STXBP6: variants seen among roughly 807,000 people sequenced by gnomAD.
The protein encoded by STXBP6 is syntaxin binding protein 6, also known as syntaxin-binding protein 6.
In STXBP6, 21 loss-of-function variants were observed where a neutral mutation model predicts 26.9. The ratio of observed to expected loss-of-function variants is 0.78; its 90% CI spans 0.55 to 1.12. The LOEUF (loss-of-function observed/expected upper bound fraction) is 1.12, where lower values mean the gene tolerates loss of function less well. Among genes scored for constraint, STXBP6 ranks in the 50% most tolerant of loss-of-function variants. STXBP6 has a pLI of 0.00. For synonymous variants in STXBP6, 97 were observed against 92.6 expected (o/e 1.05, Z -0.27); for missense variants, 232 against 257.9 (o/e 0.90, Z 0.69).
intron 2 of STXBP6, among the ~76,000 whole-genome samples, chr14:24,971,187 C>T (rs1200098951): frequency 1.3e-5 from 2 of 152,106 alleles, no homozygotes; most frequent in Non-Finnish European, 2.9e-5. Flanking sequence ...GTCTTATGAT[C>T]ACAGACCTCT....
At chr14:25,029,921 G>GC (rs1204789247) in intron 1 of STXBP6, among the ~76,000 whole-genome samples, 1 of 152,136 alleles carries the variant, frequency 6.6e-6, no homozygotes, top group Non-Finnish European at 1.5e-5. Flanking sequence ...CACACCAGAG[G>GC]CCAATAATAA....
intron 2 of STXBP6, among the ~76,000 whole-genome samples, chr14:24,909,793 C>G (rs920666740): frequency 6.6e-5 from 10 of 150,840 alleles, no homozygotes; most frequent in African/African-American, 2.2e-4. Context: ...GCTGATGACA[C>G]CACTGAACTC....
rs142760763 is a variant in STXBP6 at position 25,038,541 on chromosome 14, A to G, written c.-33+11337T>C. The stretch of plus-strand genomic sequence containing the variant: ...ATGAAAATAAATAAACTACTGCTGC[A>G]TACACAACGTGGATGAATCTCACAA... On this transcript the variant is annotated intron_variant, in intron 1 of 5. Coordinates refer to ENST00000323944, the MANE Select transcript of STXBP6 (RefSeq NM_001394410.1). Among the ~76,000 whole-genome samples the G allele has an allele frequency of 6.6e-5, 10 of 152,354 alleles. No individual in the cohort carries two copies. The South Asian group carries it at 8.3e-4, about 13-fold the overall frequency.
At chr14:24,893,645 CAA>C in intron 2 of STXBP6, among the ~76,000 whole-genome samples, 1 of 152,196 alleles carries the variant, frequency 6.6e-6, no homozygotes, top group Non-Finnish European at 1.5e-5. Flanking sequence ...ATCCCTAACA[CAA>C]ATGCCTAACA....
chr14:24,843,598 T>C (rs1263649677), intron 4 of STXBP6, among the ~76,000 whole-genome samples: 1 of 152,208 alleles, frequency 6.6e-6, no homozygotes, highest in Admixed American at 6.5e-5. Context: ...CAAGCATTAG[T>C]ATTCTGTTTA....
At position 24,999,941 on chromosome 14, in the gene STXBP6, G is replaced by GTTAAT. The variant is rs2074712124; in HGVS notation, c.-32-25092_-32-25091insATTAA. Among the ~76,000 whole-genome samples the GTTAAT allele has an allele frequency of 3.9e-5, 6 of 152,300 alleles. No individual in the cohort carries two copies. In the South Asian group the frequency reaches 1.2e-3, roughly 32 times the overall value. On this transcript the variant is annotated intron_variant, in intron 1 of 5. Transcript: ENST00000323944. Reference sequence around the variant, plus strand: ...ACACTGATTTAGCTATTTGGACAAAGATGCTAATATGTTAGGTTGTTTTGG... The same window carrying GTTAAT: ...ACACTGATTTAGCTATTTGGACAAAGTTAATATGCTAATATGTTAGGTTGTTTTGG...
chr14:24,971,640 G>A (rs2073909505), intron 2 of STXBP6, among the ~76,000 whole-genome samples: 1 of 152,092 alleles, frequency 6.6e-6, no homozygotes, highest in Non-Finnish European at 1.5e-5. Flanking sequence ...GTTTTTTAAT[G>A]AACCTGCCAT....
chr14:25,032,690 C>T (rs908753893), intron 1 of STXBP6, among the ~76,000 whole-genome samples: 1 of 152,178 alleles, frequency 6.6e-6, no homozygotes, highest in Admixed American at 6.5e-5. Context: ...CAGAGTCCCT[C>T]GATCAATGTA....
At chr14:24,832,041 A>C (rs553185517) in intron 4 of STXBP6, among the ~76,000 whole-genome samples, 46 of 152,276 alleles carry the variant, frequency 3.0e-4, no homozygotes, top group African/African-American at 1.1e-3. Flanking sequence ...AAAATTAAAA[A>C]AAATATATGG....
At chr14:24,830,251 G>T (rs1427255964) in intron 4 of STXBP6, among the ~76,000 whole-genome samples, 2 of 151,992 alleles carry the variant, frequency 1.3e-5, no homozygotes, top group African/African-American at 4.8e-5. Flanking sequence ...TAAAATAGGG[G>T]TAATCTGGAC....
intron 1 of STXBP6, among the ~76,000 whole-genome samples, chr14:25,039,118 TACA>T (rs924442911): frequency 1.1e-4 from 16 of 152,256 alleles, no homozygotes; most frequent in African/African-American, 3.9e-4. Context: ...CATCATGTTG[TACA>T]ACAATAAGTA....
intron 1 of STXBP6, among the ~76,000 whole-genome samples, chr14:25,005,269 C>T (rs1204242831): frequency 1.3e-5 from 2 of 152,104 alleles, no homozygotes; most frequent in South Asian, 2.1e-4. Context: ...AGCAAAAACA[C>T]TCAAGTATGC....
At chr14:25,042,243 T>C (rs147202262) in intron 1 of STXBP6, among the ~76,000 whole-genome samples, 2 of 152,144 alleles carry the variant, frequency 1.3e-5, no homozygotes, top group African/African-American at 4.8e-5. Flanking sequence ...TGTAGAGTAA[T>C]AGCATATACT....
chr14:24,889,116 T>C (rs1275728104), intron 2 of STXBP6, among the ~76,000 whole-genome samples: 1 of 151,346 alleles, frequency 6.6e-6, no homozygotes, highest in Non-Finnish European at 1.5e-5. Flanking sequence ...AAGTCCCAGG[T>C]AACAACACCC....
At chr14:24,968,192 A>AT (rs2073795507) in intron 2 of STXBP6, among the ~76,000 whole-genome samples, 4 of 134,398 alleles carry the variant, frequency 3.0e-5, no homozygotes, top group Admixed American at 7.1e-5. Flanking sequence ...TATATATATA[A>AT]AATTATTGCA....
intron 2 of STXBP6, among the ~76,000 whole-genome samples, chr14:24,936,281 G>GAAACAAAACAAAACAAA (rs2072594509): frequency 6.6e-6 from 1 of 152,012 alleles, no homozygotes; most frequent in East Asian, 1.9e-4. Flanking sequence ...TCACAGGCCA[G>GAAACAAAACAAAACAAA]AAACAAAACA....
chr14:24,837,145 CAA>C (rs761726920), intron 4 of STXBP6, among the ~76,000 whole-genome samples: 8 of 151,964 alleles, frequency 5.3e-5, no homozygotes, highest in Admixed American at 1.3e-4. Context: ...TAACTTGACA[CAA>C]ATGATCTAAA....
rs142619536 is a variant in STXBP6 at position 25,039,568 on chromosome 14, G to C, written c.-33+10310C>G. Among the ~76,000 whole-genome samples the C allele has an allele frequency of 4.2e-3, 640 of 152,282 alleles. 4 individuals carry two copies. The highest frequency in any genetic ancestry group is 0.014 in the African/African-American group (581 of 41,546). On this transcript the variant is annotated intron_variant, in intron 1 of 5. Coordinates refer to ENST00000323944, the MANE Select transcript of STXBP6 (RefSeq NM_001394410.1). ...CCTTCTTCAAGCAAGAAAGTGCTTG[G>C]AACACTAAGGCTGGACCCACGGAGA... is the stretch of plus-strand genomic sequence containing the variant.
At chr14:24,835,800 A>G (rs1048019635) in intron 4 of STXBP6, among the ~76,000 whole-genome samples, 1 of 152,222 alleles carries the variant, frequency 6.6e-6, no homozygotes, top group African/African-American at 2.4e-5. Context: ...GCTACGCTTA[A>G]TAACGATATC....
Sources: gnomAD v4.1 joint callset for allele counts (sites outside exome capture counted in the v4.1 genomes callset) on GRCh38, gnomAD v4.1.1 for gene constraint, MANE v1.5 for transcripts, NCBI Gene and HGNC (gene_info 2026-07-23, HGNC 2026-07-21) for gene names.